RNF111: variants seen among roughly 807,000 people sequenced by gnomAD.
RNF111 encodes E3 ubiquitin-protein ligase Arkadia.
Under a neutral mutation model 95.1 loss-of-function variants are expected in RNF111, and 17 were observed. The ratio of observed to expected loss-of-function variants is 0.18; its 90% CI spans 0.12 to 0.27. RNF111 has a LOEUF of 0.27. Among genes scored for constraint, RNF111 ranks in the 10% least tolerant of loss-of-function variants. The pLI, the probability that RNF111 is intolerant of heterozygous loss-of-function variation, is 1.00. For missense variants in RNF111, 1,189 were observed against 1,210.4 expected (o/e 0.98, Z 0.26); for synonymous variants, 440 against 414.8 (o/e 1.06, Z -0.74).
chr15:59,041,803 AG>A (rs1301477108), intron 2 of RNF111, among the ~76,000 whole-genome samples: 1 of 152,126 alleles, frequency 6.6e-6, no homozygotes, highest in Non-Finnish European at 1.5e-5. Flanking sequence ...GTCAGATTTT[AG>A]GGGGTTTTTG....
intron 2 of RNF111, among the ~76,000 whole-genome samples, chr15:59,040,992 T>C (rs572771735): frequency 6.6e-6 from 1 of 152,216 alleles, no homozygotes; most frequent in African/African-American, 2.4e-5. Flanking sequence ...TCATTTTTTT[T>C]CTTCAAAAAT....
At chr15:59,089,806 C>T in intron 11 of RNF111, 47 bp downstream of exon 11, 2 of 1,280,362 alleles carry the variant, frequency 1.6e-6, no homozygotes, top group South Asian at 1.2e-5. Flanking sequence ...ATCTTTAATG[C>T]AGATTGAGTA....
chr15:59,073,228 T>C (rs1197519924), intron 6 of RNF111, among the ~76,000 whole-genome samples: 1 of 152,092 alleles, frequency 6.6e-6, no homozygotes, highest in Non-Finnish European at 1.5e-5. Flanking sequence ...CCCAGCACTT[T>C]GTTTGAGAGG....
chr15:59,097,255 T>C lies in RNF111; in HGVS notation c.*2355T>C, dbSNP rs2079187675. On this transcript the variant is annotated 3_prime_UTR_variant, in exon 14 of 14. Transcript: ENST00000348370. ...GGTAGCTGTCCAAATACATAAAAAC[T>C]AAAATTCTTTTGTTAGCAAGTCCTT... 6.6e-6 allele frequency: 1 copy of C among 152,374 alleles called. No individual in the cohort carries two copies. The highest frequency in any genetic ancestry group is 1.5e-5 in the Non-Finnish European group (1 of 68,032). The allele number at this position is 152,374 out of a possible 1,614,324, so 9.4% of individuals were successfully genotyped here.
chr15:59,041,823 G>T (rs749761930), intron 2 of RNF111, among the ~76,000 whole-genome samples: 2 of 152,008 alleles, frequency 1.3e-5, no homozygotes, highest in African/African-American at 4.8e-5. Context: ...TGGTCCGTCT[G>T]ATAGCTGAGA....
rs1315256373 is a variant in RNF111 at position 59,031,420 on chromosome 15, C to G, written c.598C>G (p.Pro200Ala). The G allele has an allele frequency of 6.2e-7, 1 of 1,614,152 alleles. No individual in the cohort carries two copies. The highest frequency in any genetic ancestry group is 8.5e-7 in the Non-Finnish European group (1 of 1,180,026). Residue 200 changes from proline to alanine, a missense_variant, in exon 2 of 14, where the codon CCC (proline) becomes GCC (alanine). Physicochemically the swap from Pro to Ala is conservative, Grantham distance 27. Around this residue, in one of 2 missense-constraint regions of RNF111, gnomAD observed 1,024 missense variants for 925.9 expected, o/e 1.11. Coordinates refer to ENST00000348370, the MANE Select transcript of RNF111 (RefSeq NM_017610.8). ...ESVSGLLMKR[P>A]CLHGSSLRRL... is the part of the protein sequence containing the mutation. ...TGTATCGGGATTGTTAATGAAAAGA[C>G]CCTGTTTACATGGCAGTTCGTTACG...
intron 1 of RNF111, among the ~76,000 whole-genome samples, chr15:59,012,554 A>C (rs2039876873): frequency 6.6e-6 from 1 of 152,188 alleles, no homozygotes; most frequent in African/African-American, 2.4e-5. Context: ...AAATGTGTTT[A>C]TTTGGAAAAT....
chr15:59,073,615 T>G (rs1212364491), intron 6 of RNF111, among the ~76,000 whole-genome samples: 2 of 152,260 alleles, frequency 1.3e-5, no homozygotes, highest in African/African-American at 4.8e-5. Flanking sequence ...TCTTGCTGTC[T>G]TCACGACATC....
At chr15:58,997,849 T>C (rs1238528646) in intron 1 of RNF111, among the ~76,000 whole-genome samples, 1 of 151,620 alleles carries the variant, frequency 6.6e-6, no homozygotes, top group African/African-American at 2.4e-5. Context: ...AATTTGTAAA[T>C]TTATTTTGAT....
At chr15:59,017,753 C>CTTTTTTTTTTTTTTTTT (rs200975904) in intron 1 of RNF111, among the ~76,000 whole-genome samples, 1 of 120,966 alleles carries the variant, frequency 8.3e-6, no homozygotes, top group African/African-American at 3.4e-5. Context: ...TTGTTGAACT[C>CTTTTTTTTTTTTTTTTT]TTTTTTTTTT....
intron 1 of RNF111, among the ~76,000 whole-genome samples, chr15:58,992,470 TTAA>T (rs1178622946): frequency 4.6e-5 from 7 of 152,204 alleles, no homozygotes; most frequent in Non-Finnish European, 1.0e-4. Flanking sequence ...TACATGGGTA[TTAA>T]TAATATTGTT....
chr15:59,080,114 CTTTTTTT>C (rs1194255542), intron 7 of RNF111, among the ~76,000 whole-genome samples: 1 of 85,446 alleles, frequency 1.2e-5, no homozygotes. Context: ...TTGTGTGCTC[CTTTTTTT>C]TTTTTTTTTT....
chr15:58,995,601 G>A (rs1482755105), intron 1 of RNF111, among the ~76,000 whole-genome samples: 19 of 151,786 alleles, frequency 1.3e-4, no homozygotes, highest in Admixed American at 1.2e-3. Flanking sequence ...GGGATTATAG[G>A]CGCCTGCCAC....
chr15:59,075,384 T>G (rs1357779706), intron 6 of RNF111, among the ~76,000 whole-genome samples: 2 of 152,238 alleles, frequency 1.3e-5, no homozygotes, highest in African/African-American at 2.4e-5. Flanking sequence ...AAGCTTTGAG[T>G]GGCAAAGGTA....
intron 10 of RNF111, among the ~76,000 whole-genome samples, chr15:59,088,720 C>T (rs2078967169): frequency 6.6e-6 from 1 of 152,292 alleles, no homozygotes; most frequent in East Asian, 1.9e-4. Context: ...AACCTCTGTT[C>T]ACAACTAATC....
chr15:59,085,624 T>C, intron 9 of RNF111, 35 bp from the exon 10 acceptor site: 3 of 1,602,198 alleles, frequency 1.9e-6, no homozygotes, highest in Non-Finnish European at 2.6e-6. Flanking sequence ...AAAGAGACCC[T>C]AAGGAGGATT....
intron 1 of RNF111, among the ~76,000 whole-genome samples, chr15:58,998,741 G>A (rs1354857351): frequency 6.6e-6 from 1 of 152,204 alleles, no homozygotes; most frequent in African/African-American, 2.4e-5. Context: ...AATTAGAATT[G>A]TGGAAAACGC....
Position 59,027,554 on chromosome 15 carries a change from A to C in RNF111, c.-19-3250A>C, listed in dbSNP as rs374801944. ...TTTTCTTTTTTTTTTTGGGAGACAGAGTCTTGCTCTGTTGCCCAGGCTGGA... is the reference window on the plus strand; with the variant it reads ...TTTTCTTTTTTTTTTTGGGAGACAGCGTCTTGCTCTGTTGCCCAGGCTGGA... On this transcript the variant is annotated intron_variant, in intron 1 of 13. Coordinates refer to ENST00000348370, the MANE Select transcript of RNF111 (RefSeq NM_017610.8). 2.5e-4 allele frequency among the ~76,000 whole-genome samples: 38 copies of C among 151,444 alleles called. 1 individual carries two copies. In the East Asian group the frequency reaches 6.4e-3, roughly 26 times the overall value.
intron 1 of RNF111, among the ~76,000 whole-genome samples, chr15:58,994,330 C>T (rs1037391411): frequency 2.6e-5 from 4 of 151,782 alleles, no homozygotes; most frequent in Non-Finnish European, 5.9e-5. Context: ...TGAGCCACCA[C>T]GCCTGGCTAC....
Sources: gnomAD v4.1 joint callset for allele counts (sites outside exome capture counted in the v4.1 genomes callset) on GRCh38, gnomAD v4.1.1 for gene constraint, gnomAD v4.1.1 regional missense constraint, MANE v1.5 for transcripts, NCBI Gene and HGNC (gene_info 2026-07-23, HGNC 2026-07-21) for gene names.